OR51B5: variants seen among roughly 807,000 people sequenced by gnomAD.
The protein encoded by OR51B5 is olfactory receptor family 51 subfamily B member 5.
For missense variants in OR51B5, 456 were observed against 374.6 expected, an observed-to-expected ratio of 1.22 and a Z score of -1.79; for synonymous variants, 186 against 144.8, an observed-to-expected ratio of 1.28 and a Z score of -2.04.
intron 1 of OR51B5, among the ~76,000 whole-genome samples, chr11:5,460,753 G>A (rs1277425980): frequency 6.6e-6 from 1 of 152,164 alleles, no homozygotes; most frequent in Admixed American, 6.5e-5. Context: ...CAGGGCTTTT[G>A]CTTTCATATT....
intron 1 of OR51B5, among the ~76,000 whole-genome samples, chr11:5,399,440 A>ACAT (rs1849933844): frequency 6.6e-6 from 1 of 152,234 alleles, no homozygotes; most frequent in Non-Finnish European, 1.5e-5. Flanking sequence ...GTAAGTATTA[A>ACAT]CATCTTTATC....
intron 1 of OR51B5, among the ~76,000 whole-genome samples, chr11:5,436,978 T>C (rs1002519012): frequency 6.6e-6 from 1 of 152,096 alleles, no homozygotes; most frequent in East Asian, 1.9e-4. Context: ...CTCTGCGGAA[T>C]TGTTCCCAGA....
At chr11:5,352,498 C>A (rs5024039) in intron 1 of OR51B5, 287,123 of 1,143,550 alleles carry the variant, frequency 0.25, 37,586 homozygotes, top group African/African-American at 0.31. Flanking sequence ...GACAGGATGA[C>A]AATGTTGCCA....
At chr11:5,405,247 T>G (rs1416690470) in intron 1 of OR51B5, among the ~76,000 whole-genome samples, 2 of 152,202 alleles carry the variant, frequency 1.3e-5, no homozygotes, top group African/African-American at 4.8e-5. Context: ...TAATTATTAC[T>G]TTTCAGATGA....
At chr11:5,451,191 C>A (rs1183668781) in intron 1 of OR51B5, among the ~76,000 whole-genome samples, 1 of 152,168 alleles carries the variant, frequency 6.6e-6, no homozygotes, top group South Asian at 2.1e-4. Context: ...TTAGCAATCC[C>A]CAAGGTAAGG....
rs148960280 is a variant in OR51B5, at chr11:5,351,024, C to T, written n.85-4114G>A. On this transcript the variant is annotated intron_variant and non_coding_transcript_variant, in intron 1 of 4. Coordinates refer to the OR51B5 transcript ENST00000415970. The stretch of plus-strand genomic sequence containing the variant: ...CATATAATCTTTATATCTGCTTTTC[C>T]AATAGTGCTTAGAACCATTTTTCTA... Among the ~76,000 whole-genome samples the T allele has an allele frequency of 9.2e-5, 14 of 152,076 alleles. No individual in the cohort carries two copies. The East Asian group carries it at 2.7e-3, about 29-fold the overall frequency.
intron 1 of OR51B5, among the ~76,000 whole-genome samples, chr11:5,487,171 G>C (rs1012512741): frequency 6.6e-6 from 1 of 152,140 alleles, no homozygotes; most frequent in African/African-American, 2.4e-5. Flanking sequence ...AATTATATCA[G>C]TTCACTTCTC....
At chr11:5,444,352 T>C (rs1850733328) in intron 1 of OR51B5, among the ~76,000 whole-genome samples, 1 of 152,138 alleles carries the variant, frequency 6.6e-6, no homozygotes, top group Non-Finnish European at 1.5e-5. Context: ...AAAATATCCT[T>C]GAGACAAAAA....
rs576437306 is a variant in OR51B5, at chr11:5,383,550, A to G, written n.85-36640T>C. Among the ~76,000 whole-genome samples the G allele has an allele frequency of 3.3e-5, 5 of 152,364 alleles. No homozygotes were observed. The East Asian group carries it at 7.7e-4, about 23-fold the overall frequency. ...ATAACAGAAGACAGTAAATAAAATG[A>G]TAAGTGATATGAATTGACTTCTTTA... On this transcript the variant is annotated intron_variant and non_coding_transcript_variant, in intron 1 of 4. Coordinates refer to the OR51B5 transcript ENST00000415970.
At position 5,374,572 on chromosome 11, in the gene OR51B5, T is replaced by C. The variant is rs568544208; in HGVS notation, n.85-27662A>G. ...AAATTCAAACCAAAGGCAAAGAAGA[T>C]AAAAACTTTGAAAAAAAATTTAGAT... On this transcript the variant is annotated intron_variant and non_coding_transcript_variant, in intron 1 of 4. Coordinates refer to the OR51B5 transcript ENST00000415970. Among the ~76,000 whole-genome samples the C allele has an allele frequency of 7.2e-5, 11 of 152,132 alleles. No individual in the cohort carries two copies. The East Asian group carries it at 2.1e-3, about 29-fold the overall frequency.
At chr11:5,427,887 AT>A (rs1304749101) in intron 1 of OR51B5, among the ~76,000 whole-genome samples, 5 of 152,206 alleles carry the variant, frequency 3.3e-5, no homozygotes, top group Non-Finnish European at 7.4e-5. Flanking sequence ...TATGGTGAAT[AT>A]TAAAATAGTT....
At chr11:5,381,583 C>T (rs753875319) in intron 1 of OR51B5, among the ~76,000 whole-genome samples, 3 of 152,326 alleles carry the variant, frequency 2.0e-5, no homozygotes, top group East Asian at 1.9e-4. Flanking sequence ...AAAGGCAAGA[C>T]CATGACATGT....
intron 1 of OR51B5, among the ~76,000 whole-genome samples, chr11:5,406,734 A>C (rs1309886701): frequency 6.6e-6 from 1 of 152,172 alleles, no homozygotes; most frequent in Non-Finnish European, 1.5e-5. Flanking sequence ...AGAGCATTCA[A>C]GGCAATGAGG....
At chr11:5,462,084 T>C (rs376682201) in intron 1 of OR51B5, among the ~76,000 whole-genome samples, 2 of 152,238 alleles carry the variant, frequency 1.3e-5, no homozygotes, top group East Asian at 1.9e-4. Flanking sequence ...ATACTGAACA[T>C]AGGTTTAAGG....
At chr11:5,450,208 G>A (rs1850823392) in intron 1 of OR51B5, among the ~76,000 whole-genome samples, 2 of 152,002 alleles carry the variant, frequency 1.3e-5, no homozygotes, top group African/African-American at 4.8e-5. Flanking sequence ...GGCCAATATG[G>A]TGAAACCCTG....
At chr11:5,430,233 G>A (rs1850515142) in intron 1 of OR51B5, among the ~76,000 whole-genome samples, 1 of 152,158 alleles carries the variant, frequency 6.6e-6, no homozygotes, top group African/African-American at 2.4e-5. Flanking sequence ...TTTTTTAATT[G>A]GAAGATATGG....
intron 1 of OR51B5, chr11:5,489,531 T>G: frequency 6.2e-7 from 1 of 1,614,082 alleles, no homozygotes; most frequent in Non-Finnish European, 8.5e-7. Flanking sequence ...TCCCCAAGCA[T>G]GTGCACATCT....
chr11:5,419,489 CCT>C (rs1850298020), intron 1 of OR51B5, among the ~76,000 whole-genome samples: 2 of 152,196 alleles, frequency 1.3e-5, no homozygotes, highest in South Asian at 2.1e-4. Context: ...ATTATTTTCC[CCT>C]GTCATTATTC....
chr11:5,403,219 C>T (rs1298584607), intron 1 of OR51B5: 1 of 471,356 alleles, frequency 2.1e-6, no homozygotes, highest in South Asian at 1.5e-5. Context: ...GTTACCTCTA[C>T]TTTTGGGCTG....
Sources: gnomAD v4.1 joint callset for allele counts (sites outside exome capture counted in the v4.1 genomes callset) on GRCh38, gnomAD v4.1.1 for gene constraint, MANE v1.5 for transcripts, NCBI Gene and HGNC (gene_info 2026-07-23, HGNC 2026-07-21) for gene names.